Variants in DPH6 observed in about 807,000 individuals in gnomAD.
The protein encoded by DPH6 is diphthine--ammonia ligase.
Under a neutral mutation model 38.2 loss-of-function variants are expected in DPH6, and 33 were observed. The observed-to-expected ratio is 0.86, with a 90% CI of 0.65 to 1.15. DPH6 has a LOEUF of 1.15. DPH6 is among the 50% of genes most tolerant of loss of function. The pLI is 0.00. For missense variants in DPH6, 325 were observed against 320.0 expected (o/e 1.02, Z -0.12); for synonymous variants, 108 against 103.0 (o/e 1.05, Z -0.30).
chr15:35,475,832 A>C (rs1056668308), intron 3 of DPH6, among the ~76,000 whole-genome samples: 2 of 151,846 alleles, frequency 1.3e-5, no homozygotes, highest in Non-Finnish European at 2.9e-5. Flanking sequence ...AAATATAAAC[A>C]AAAAATTAAA....
chr15:35,429,281 A>G (rs768288936), intron 5 of DPH6, among the ~76,000 whole-genome samples: 17 of 152,148 alleles, frequency 1.1e-4, no homozygotes, highest in Non-Finnish European at 1.9e-4. Flanking sequence ...TTGTTTAGCA[A>G]TATCTCTCCC....
intron 3 of DPH6, among the ~76,000 whole-genome samples, chr15:35,345,311 AAAT>A (rs1307475372): frequency 2.0e-5 from 3 of 151,900 alleles, no homozygotes. Flanking sequence ...TCATAACCGC[AAAT>A]AATGATAGTT....
At chr15:35,393,933 G>A (rs1212853799) in intron 6 of DPH6, among the ~76,000 whole-genome samples, 1 of 152,204 alleles carries the variant, frequency 6.6e-6, no homozygotes, top group African/African-American at 2.4e-5. Context: ...AGTATGAGTA[G>A]TAGTTTTCTG....
At chr15:35,413,980 TTAAG>T (rs2053404301) in intron 5 of DPH6, among the ~76,000 whole-genome samples, 1 of 151,776 alleles carries the variant, frequency 6.6e-6, no homozygotes, top group Non-Finnish European at 1.5e-5. Context: ...TCTTAATGTA[TTAAG>T]TATCTTTAGC....
chr15:35,445,858 T>C (rs967452631), intron 5 of DPH6, among the ~76,000 whole-genome samples: 4 of 152,256 alleles, frequency 2.6e-5, no homozygotes, highest in African/African-American at 9.6e-5. Context: ...CTGCTTAAAA[T>C]ACTATGTGAT....
At chr15:35,543,259 AATATATATATATATATAT>A (rs6145522) in intron 1 of DPH6, among the ~76,000 whole-genome samples, 74,914 of 114,404 alleles carry the variant, frequency 0.65, 25,945 homozygotes, top group South Asian at 0.78. Flanking sequence ...ACATACACAT[AATATATATATATATATAT>A]ATATATATAT....
intron 3 of DPH6, among the ~76,000 whole-genome samples, chr15:35,277,205 C>A (rs1048352904): frequency 6.6e-6 from 1 of 152,030 alleles, no homozygotes; most frequent in African/African-American, 2.4e-5. Context: ...GGGTTGAATT[C>A]TTGATTTGAT....
chr15:35,384,180 G>A (rs2052910894), intron 6 of DPH6, among the ~76,000 whole-genome samples: 2 of 152,162 alleles, frequency 1.3e-5, no homozygotes, highest in Admixed American at 6.6e-5. Flanking sequence ...CATTCCAAAT[G>A]CAATTTTTGC....
At chr15:35,335,225 C>T (rs147126587) in intron 3 of DPH6, among the ~76,000 whole-genome samples, 164 of 152,168 alleles carry the variant, frequency 1.1e-3, no homozygotes, top group African/African-American at 3.8e-3. Context: ...CTGTTCATGT[C>T]CTTTGCCCAC....
At chr15:35,285,981 C>T (rs918019483) in intron 3 of DPH6, among the ~76,000 whole-genome samples, 2 of 146,024 alleles carry the variant, frequency 1.4e-5, no homozygotes, top group African/African-American at 5.1e-5. Flanking sequence ...AAAGCTGGGG[C>T]AAAATGGAAA....
Position 35,381,863 on chromosome 15 carries a change from A to G in DPH6, c.621T>C (p.Thr207=). The change falls in exon 7 of 9, where the codon ACT becomes ACC. Residue 207 remains threonine, a synonymous_variant. Coordinates refer to ENST00000256538, the MANE Select transcript of DPH6 (RefSeq NM_080650.4). ...TAAATAGAGGGCAATCCAAAGTGAA[A>G]GTTTCATACTCTCCACCTTCTCCAC... is the stretch of plus-strand genomic sequence containing the variant. The part of the protein sequence containing the change: ...HVCGEGGEYE[T]FTLDCPLFKK... 1 of 1,613,776 alleles carries G rather than the reference A, an allele frequency of 6.2e-7. No homozygotes were observed. Among genetic ancestry groups the G allele is most frequent in the Non-Finnish European group, 8.5e-7 (1 of 1,179,748 alleles).
At chr15:35,230,934 G>T (rs913087691) in intron 3 of DPH6, among the ~76,000 whole-genome samples, 5 of 152,180 alleles carry the variant, frequency 3.3e-5, no homozygotes, top group Admixed American at 3.3e-4. Flanking sequence ...TGAAAGAAGA[G>T]GTCTCTATTG....
At chr15:35,471,276 C>G (rs2054195953) in intron 3 of DPH6, among the ~76,000 whole-genome samples, 1 of 152,210 alleles carries the variant, frequency 6.6e-6, no homozygotes. Flanking sequence ...TCCACTCTCT[C>G]TGGGTGCTTA....
At chr15:35,260,624 T>C (rs1447504014) in intron 3 of DPH6, among the ~76,000 whole-genome samples, 1 of 152,026 alleles carries the variant, frequency 6.6e-6, no homozygotes, top group Non-Finnish European at 1.5e-5. Flanking sequence ...GAAGTGATTC[T>C]ATGCAGTGAT....
At chr15:35,356,467 G>A (rs1026982434) in intron 3 of DPH6, among the ~76,000 whole-genome samples, 5 of 152,092 alleles carry the variant, frequency 3.3e-5, no homozygotes, top group African/African-American at 1.2e-4. Context: ...TTTTGGTGTG[G>A]ATGTCCTTTC....
chr15:35,248,836 T>A (rs752599265), intron 3 of DPH6, among the ~76,000 whole-genome samples: 2 of 152,188 alleles, frequency 1.3e-5, no homozygotes, highest in Non-Finnish European at 2.9e-5. Flanking sequence ...TATATGCCAA[T>A]GAGATTAGAA....
At position 35,433,383 on chromosome 15, in the gene DPH6, G is replaced by C. The variant is rs1356504521; in HGVS notation, c.505+17302C>G. ...GCTTTTCAAAGCAGGAGAAGTAGTG[G>C]CATTCTCTTAGCAGAAAGCCAAGAC... is the stretch of plus-strand genomic sequence containing the variant. On this transcript the variant is annotated intron_variant, in intron 5 of 8. Coordinates refer to ENST00000256538, the MANE Select transcript of DPH6 (RefSeq NM_080650.4). Among the ~76,000 whole-genome samples, 14 of 152,160 alleles carry C rather than the reference G, an allele frequency of 9.2e-5. No individual in the cohort carries two copies. In the East Asian group the frequency reaches 2.7e-3, roughly 29 times the overall value.
chr15:35,484,793 C>A (rs188782811), intron 3 of DPH6, among the ~76,000 whole-genome samples: 33 of 152,332 alleles, frequency 2.2e-4, no homozygotes, highest in Admixed American at 2.0e-3. Flanking sequence ...TGGGGACCAA[C>A]TTAGAAGCCA....
intron 3 of DPH6, among the ~76,000 whole-genome samples, chr15:35,300,066 G>A (rs2052044628): frequency 6.6e-6 from 1 of 152,200 alleles, no homozygotes. Flanking sequence ...GAAGTGAATG[G>A]ATTTCACAAA....
Sources: allele counts gnomAD v4.1 joint callset (sites outside exome capture counted in the v4.1 genomes callset), GRCh38; gene constraint gnomAD v4.1.1; transcripts MANE v1.5; gene names NCBI Gene and HGNC (gene_info 2026-07-23, HGNC 2026-07-21).